EML5: variants seen among roughly 807,000 people sequenced by gnomAD.
EML5 encodes the protein echinoderm microtubule-associated protein-like 5.
Under a neutral mutation model 250.0 loss-of-function variants are expected in EML5, and 120 were observed. The observed-to-expected ratio is 0.48, with a 90% CI of 0.41 to 0.56. EML5 has a LOEUF of 0.56. Ranked by LOEUF, EML5 falls within the 20% of genes least tolerant of loss-of-function variation. The pLI is 0.00. For synonymous variants in EML5, 771 were observed against 806.5 expected (o/e 0.96, Z 0.75); for missense variants, 2,006 against 2,437.6 (o/e 0.82, Z 3.73).
intron 24 of EML5, among the ~76,000 whole-genome samples, chr14:88,662,498 A>G (rs944287647): frequency 6.6e-6 from 1 of 151,338 alleles, no homozygotes; most frequent in Non-Finnish European, 1.5e-5. Flanking sequence ...TTGTCTTTTA[A>G]GGAAAGCAAC....
chr14:88,668,195 C>T (rs772136822), intron 21 of EML5, among the ~76,000 whole-genome samples: 1 of 152,160 alleles, frequency 6.6e-6, no homozygotes, highest in Non-Finnish European at 1.5e-5. Context: ...TTATTAAATT[C>T]CCACTGTTCA....
chr14:88,655,546 C>T (rs991318601), intron 27 of EML5, among the ~76,000 whole-genome samples: 3 of 152,134 alleles, frequency 2.0e-5, no homozygotes, highest in Non-Finnish European at 4.4e-5. Flanking sequence ...CTAGCTAATA[C>T]CATTCAGGAC....
At chr14:88,708,872 C>T (rs867737047) in intron 10 of EML5, among the ~76,000 whole-genome samples, 30 of 152,126 alleles carry the variant, frequency 2.0e-4, no homozygotes, top group Non-Finnish European at 2.6e-4. Context: ...AACAGTGTAT[C>T]ATCAATTAGT....
chr14:88,749,497 T>C (rs1202074257), intron 2 of EML5, among the ~76,000 whole-genome samples: 1 of 151,900 alleles, frequency 6.6e-6, no homozygotes, highest in East Asian at 1.9e-4. Flanking sequence ...CATATGAGAG[T>C]GTCCAAGTGG....
chr14:88,632,118 C>T (rs917555890), intron 33 of EML5, among the ~76,000 whole-genome samples: 4 of 152,178 alleles, frequency 2.6e-5, no homozygotes, highest in African/African-American at 9.7e-5. Context: ...TATTCCCCAT[C>T]CCATTTGGCT....
chr14:88,616,993 C>T (rs1567011099), intron 41 of EML5, 114 bp from the exon 42 acceptor site: 7 of 945,044 alleles, frequency 7.4e-6, no homozygotes, highest in East Asian at 2.5e-5. Context: ...ACTTAAAATA[C>T]AGGAAGTAAA....
chr14:88,664,881 T>C (rs12894733), intron 22 of EML5, among the ~76,000 whole-genome samples: 16,662 of 152,206 alleles, frequency 0.11, 1,004 homozygotes, highest in African/African-American at 0.14. Context: ...TTTTGATACT[T>C]TGTATTTAAC....
chr14:88,652,825 A>G (rs1304826219), intron 27 of EML5, among the ~76,000 whole-genome samples: 1 of 152,070 alleles, frequency 6.6e-6, no homozygotes, highest in African/African-American at 2.4e-5. Flanking sequence ...TTCACAATTT[A>G]TTTCTTAATC....
At chr14:88,754,893 C>T (rs1189620103) in intron 1 of EML5, among the ~76,000 whole-genome samples, 1 of 152,098 alleles carries the variant, frequency 6.6e-6, no homozygotes, top group African/African-American at 2.4e-5. Context: ...AACCTCCATC[C>T]CGCCAAGTTC....
intron 1 of EML5, among the ~76,000 whole-genome samples, chr14:88,760,876 A>G (rs777382776): frequency 1.3e-5 from 2 of 152,110 alleles, no homozygotes; most frequent in Non-Finnish European, 2.9e-5. Flanking sequence ...CCTTGCATAG[A>G]TTTTGTAAAA....
chr14:88,706,211 G>A, intron 11 of EML5, 48 bp downstream of exon 11: 1 of 1,491,644 alleles, frequency 6.7e-7, no homozygotes, highest in Non-Finnish European at 8.9e-7. Flanking sequence ...GGGGGTTACT[G>A]AAGAATTATT....
chr14:88,643,634 T>G (rs1227159836), intron 30 of EML5, among the ~76,000 whole-genome samples: 2 of 152,082 alleles, frequency 1.3e-5, no homozygotes, highest in Non-Finnish European at 2.9e-5. Context: ...AAGAAGAAAA[T>G]TTTATGTTCA....
rs540714718 is a variant in EML5 at position 88,759,516 on chromosome 14, T to A, written c.198-4845A>T. On this transcript the variant is annotated intron_variant, in intron 1 of 43. Transcript: ENST00000554922. Reference sequence around the variant, plus strand: ...CTGGGCAACACAGCAAGACCCCACCTCTACAAAAAATAAAACAACTAGCCA... The same window carrying A: ...CTGGGCAACACAGCAAGACCCCACCACTACAAAAAATAAAACAACTAGCCA... Among the ~76,000 whole-genome samples, 358 of 151,642 alleles carry A rather than the reference T, an allele frequency of 2.4e-3. 1 individual carries two copies. The highest frequency in any genetic ancestry group is 3.3e-3 in the Non-Finnish European group (225 of 67,884).
Position 88,740,454 on chromosome 14 carries a change from G to C in EML5, c.644C>G (p.Ala215Gly), listed in dbSNP as rs1313760490. 2 of 1,613,774 alleles carry C rather than the reference G, an allele frequency of 1.2e-6. No homozygotes were observed. Among genetic ancestry groups the C allele is most frequent in the East Asian group, 4.5e-5 (2 of 44,858 alleles). ...CCAAACATATATATCCCCATTGAGTGCACCAGAATATGTTAATTCATCCCT... is the reference window on the plus strand; with the variant it reads ...CCAAACATATATATCCCCATTGAGTCCACCAGAATATGTTAATTCATCCCT... ...CARDELTYSGALNGDIYVWKG... is the reference protein window; with the variant it reads ...CARDELTYSGGLNGDIYVWKG... The change falls in exon 5 of 44, where the codon GCA becomes GGA. Residue 215 changes from alanine to glycine, a missense_variant. Physicochemically the swap from Ala to Gly is moderately conservative, Grantham distance 60. Coordinates refer to ENST00000554922, the MANE Select transcript of EML5 (RefSeq NM_183387.3).
chr14:88,700,541 A>G (rs1478742577), intron 14 of EML5, among the ~76,000 whole-genome samples: 4 of 152,172 alleles, frequency 2.6e-5, no homozygotes, highest in South Asian at 2.1e-4. Flanking sequence ...ACTTAACTTT[A>G]TCTAGTCTCA....
chr14:88,662,966 A>C lies in EML5; in HGVS notation c.3498+65T>G, dbSNP rs1249696253. On this transcript the variant is annotated intron_variant, in intron 24 of 43. Transcript: ENST00000554922. ...CACGTGTAACTAAACGATAGAAAGTAGGTATCAGTTTTCTAGCCACTTTTA... is the reference window on the plus strand; with the variant it reads ...CACGTGTAACTAAACGATAGAAAGTCGGTATCAGTTTTCTAGCCACTTTTA... The C allele has an allele frequency of 5.3e-6, 6 of 1,137,332 alleles. No individual in the cohort carries two copies. In the East Asian group the frequency reaches 1.6e-4, roughly 30 times the overall value. The allele number at this position is 1,137,332 out of a possible 1,614,324, so 70.5% of individuals were successfully genotyped here.
chr14:88,657,234 A>G, intron 27 of EML5, 142 bp downstream of exon 27: 3 of 768,058 alleles, frequency 3.9e-6, no homozygotes, highest in Non-Finnish European at 6.0e-6. Context: ...AAAGACAGAC[A>G]TACTTTCTAA....
chr14:88,697,958 A>G (rs1260637404), intron 14 of EML5, among the ~76,000 whole-genome samples: 1 of 151,928 alleles, frequency 6.6e-6, no homozygotes, highest in Non-Finnish European at 1.5e-5. Flanking sequence ...GCTGGTCTCA[A>G]ACTCCCGACC....
chr14:88,646,913 T>A (rs1567057625), intron 29 of EML5, 34 bp downstream of exon 29: 42 of 1,582,030 alleles, frequency 2.7e-5, no homozygotes, highest in Non-Finnish European at 3.6e-5. Context: ...AAATACAAAG[T>A]TAGGCTTTGT....
Sources: allele counts gnomAD v4.1 joint callset (sites outside exome capture counted in the v4.1 genomes callset), GRCh38; gene constraint gnomAD v4.1.1; transcripts MANE v1.5; gene names NCBI Gene and HGNC (gene_info 2026-07-23, HGNC 2026-07-21).